The following CPNE5 variants were observed in gnomAD, a reference collection of about 807,000 sequenced individuals.
CPNE5 encodes copine-5.
In CPNE5, 42 loss-of-function variants were observed where a neutral mutation model predicts 81.1. The ratio of observed to expected loss-of-function variants is 0.52; its 90% confidence interval spans 0.40 to 0.67. The LOEUF is 0.67. CPNE5 is among the 30% of genes least tolerant of loss of function. CPNE5 has a pLI of 0.00. For synonymous variants in CPNE5, 313 were observed against 321.5 expected, an observed-to-expected ratio of 0.97 and a Z score of 0.28; for missense variants, 612 against 815.5, an observed-to-expected ratio of 0.75 and a Z score of 3.04.
At chr6:36,763,049 GC>G in intron 11 of CPNE5, 57 bp from the exon 12 acceptor site, 1 of 1,480,678 alleles carries the variant, frequency 6.8e-7, no homozygotes, top group Non-Finnish European at 9.4e-7. Flanking sequence ...CCTCTGCCCA[GC>G]CCCAGCCTTG....
chr6:36,752,255 C>T (rs191186357), intron 14 of CPNE5, among the ~76,000 whole-genome samples: 163 of 152,272 alleles, frequency 1.1e-3, no homozygotes, highest in African/African-American at 3.8e-3. Context: ...TGGCTGCCCA[C>T]GCCCTGACCT....
chr6:36,765,249 G>T, intron 11 of CPNE5, 86 bp downstream of exon 11: 2 of 1,468,120 alleles, frequency 1.4e-6, no homozygotes, highest in Admixed American at 3.6e-5. Context: ...GGGGGAGCCT[G>T]GTCACAGCTC....
intron 3 of CPNE5, among the ~76,000 whole-genome samples, chr6:36,811,186 C>G (rs1771070269): frequency 6.6e-6 from 1 of 152,154 alleles, no homozygotes; most frequent in Non-Finnish European, 1.5e-5. Flanking sequence ...CCGGGTCTGA[C>G]TGTAGAGGGT....
intron 9 of CPNE5, among the ~76,000 whole-genome samples, chr6:36,776,613 A>G (rs1767528495): frequency 6.6e-6 from 1 of 152,100 alleles, no homozygotes; most frequent in Non-Finnish European, 1.5e-5. Context: ...AAGCCCTGCT[A>G]GGCTCCAAAT....
intron 1 of CPNE5, among the ~76,000 whole-genome samples, chr6:36,835,126 G>C (rs979422973): frequency 2.6e-5 from 4 of 152,234 alleles, no homozygotes; most frequent in African/African-American, 9.7e-5. Context: ...GCCCCGCCGC[G>C]TCTTCCCTGG....
chr6:36,800,956 T>C (rs977230302), intron 3 of CPNE5, among the ~76,000 whole-genome samples: 5 of 152,284 alleles, frequency 3.3e-5, no homozygotes, highest in Admixed American at 2.0e-4. Flanking sequence ...CTTGCCCAGT[T>C]GAACCTTGAG....
At chr6:36,773,035 T>C (rs1481118695) in intron 10 of CPNE5, among the ~76,000 whole-genome samples, 2 of 152,066 alleles carry the variant, frequency 1.3e-5, no homozygotes, top group Middle Eastern at 3.2e-3. Context: ...TTTTTTTAAA[T>C]TTAGTTTTAA....
chr6:36,803,774 A>C (rs114332124), intron 3 of CPNE5, among the ~76,000 whole-genome samples: 3,306 of 152,256 alleles, frequency 0.022, 126 homozygotes, highest in African/African-American at 0.073. Flanking sequence ...GGCAGTCATG[A>C]TTTTACCTTT....
chr6:36,776,737 G>GT (rs150193314), intron 9 of CPNE5, among the ~76,000 whole-genome samples: 1,888 of 152,274 alleles, frequency 0.012, 39 homozygotes, highest in African/African-American at 0.041. Flanking sequence ...TTCACCAGGT[G>GT]TTCTAAGTGA....
At chr6:36,825,154 G>C (rs948269649) in intron 1 of CPNE5, among the ~76,000 whole-genome samples, 1 of 152,260 alleles carries the variant, frequency 6.6e-6, no homozygotes, top group Admixed American at 6.5e-5. Flanking sequence ...GTGACAGCCT[G>C]TCGGGCAACT....
intron 3 of CPNE5, among the ~76,000 whole-genome samples, chr6:36,817,866 A>T (rs1185476153): frequency 6.6e-6 from 1 of 151,030 alleles, no homozygotes; most frequent in Non-Finnish European, 1.5e-5. Flanking sequence ...AGAAACCAGG[A>T]CTCCCCTTCC....
In CPNE5 at chr6:36,788,050, T is replaced by G. The variant is rs1337885146; in HGVS notation, c.528+3983A>C. Among the ~76,000 whole-genome samples the G allele has an allele frequency of 8.8e-5, 13 of 147,120 alleles. No individual in the cohort carries two copies. The East Asian group carries it at 2.4e-3, about 28-fold the overall frequency. ...CTACCTTTTCTTTTTTTTTTTTTTT[T>G]GACAGGGTCTCACTCTGTTCCCCAG... On this transcript the variant is annotated intron_variant, in intron 8 of 20. Transcript: ENST00000244751.
intron 12 of CPNE5, among the ~76,000 whole-genome samples, chr6:36,760,577 T>C (rs1414607865): frequency 2.0e-5 from 3 of 151,776 alleles, no homozygotes; most frequent in African/African-American, 7.3e-5. Context: ...TCAGAAAACA[T>C]GGGTGGTAGG....
In CPNE5 at chr6:36,742,082, G is replaced by A; in HGVS notation, c.*186C>T. On this transcript the variant is annotated 3_prime_UTR_variant, in exon 21 of 21. Transcript: ENST00000244751. ...TTCACCCGTACCCCCCTAACTCCCTGGGTTTGGGCAATAAGTGAGGCCAAG... is the reference window on the plus strand; with the variant it reads ...TTCACCCGTACCCCCCTAACTCCCTAGGTTTGGGCAATAAGTGAGGCCAAG... The A allele has an allele frequency of 3.4e-6, 2 of 585,032 alleles. No individual in the cohort carries two copies. Among genetic ancestry groups the A allele is most frequent in the South Asian group, 4.3e-5 (2 of 46,748 alleles). The allele number at this position is 585,032 out of a possible 1,614,324, so 36.2% of individuals were successfully genotyped here.
chr6:36,817,786 G>A (rs1289269981), intron 3 of CPNE5, among the ~76,000 whole-genome samples: 1 of 152,180 alleles, frequency 6.6e-6, no homozygotes, highest in Non-Finnish European at 1.5e-5. Context: ...GGAAGAGACT[G>A]AGGTTGCCTG....
At position 36,746,324 on chromosome 6, in the gene CPNE5, TC is replaced by T; in HGVS notation, c.1200+71del. On this transcript the variant is annotated intron_variant, in intron 16 of 20. Transcript: ENST00000244751. This position sits in a 1 kb window ranked among gnomAD's most constrained non-coding sequence, Gnocchi z 4.5. Reference sequence around the variant, plus strand: ...CCCCGGGCTCAGAGGAAGGGAAACGTCCCCCCACCCCCAGCTTGTCACCTCA... The same window carrying T: ...CCCCGGGCTCAGAGGAAGGGAAACGTCCCCCACCCCCAGCTTGTCACCTCA... 5.8e-6 allele frequency: 8 copies of T among 1,386,232 alleles called. No homozygotes were observed. Among genetic ancestry groups the T allele is most frequent in the East Asian group, 6.1e-5 (2 of 33,020 alleles). 85.9% of individuals were successfully genotyped at this position (1,386,232 alleles called of 1,614,324 possible).
chr6:36,748,954 G>A (rs538023888), intron 14 of CPNE5, among the ~76,000 whole-genome samples: 2 of 152,144 alleles, frequency 1.3e-5, no homozygotes, highest in African/African-American at 4.8e-5. Context: ...ATCTTTTTTT[G>A]GAAAAGAGGT....
chr6:36,787,100 G>A (rs1768628315), intron 8 of CPNE5, among the ~76,000 whole-genome samples: 1 of 152,112 alleles, frequency 6.6e-6, no homozygotes, highest in South Asian at 2.1e-4. Context: ...ACTCTCCTAT[G>A]TATCAACCTG....
At chr6:36,747,364 G>A (rs1376534230) in intron 15 of CPNE5, among the ~76,000 whole-genome samples, 1 of 152,128 alleles carries the variant, frequency 6.6e-6, no homozygotes, top group Non-Finnish European at 1.5e-5. Flanking sequence ...TCTACCTCCT[G>A]CTAGTTATGT....
Sources: gnomAD v4.1 joint callset for allele counts (sites outside exome capture counted in the v4.1 genomes callset) on GRCh38, gnomAD v4.1.1 for gene constraint, Gnocchi (gnomAD v3.1) non-coding constraint, MANE v1.5 for transcripts, NCBI Gene and HGNC (gene_info 2026-07-23, HGNC 2026-07-21) for gene names.